NSD1: variants seen among roughly 807,000 people sequenced by gnomAD.
The protein encoded by NSD1 is nuclear receptor binding SET domain protein 1.
NSD1 carries 26 observed loss-of-function variants against 242.7 expected under a neutral mutation model. The ratio of observed to expected loss-of-function variants is 0.11; its 90% CI spans 0.08 to 0.15. The LOEUF (loss-of-function observed/expected upper bound fraction) is 0.15, where lower values mean the gene tolerates loss of function less well. Ranked by LOEUF, NSD1 falls within the 10% of genes least tolerant of loss-of-function variation. NSD1 has a pLI of 1.00. For synonymous variants in NSD1, 1,106 were observed against 1,178.1 expected (o/e 0.94, Z 1.25); for missense variants, 2,495 against 3,272.8 (o/e 0.76, Z 5.80).
chr5:177,167,707 AGATATAC>A (rs1373471255), intron 2 of NSD1, among the ~76,000 whole-genome samples: 1 of 152,160 alleles, frequency 6.6e-6, no homozygotes, highest in Non-Finnish European at 1.5e-5. Context: ...AGATGGTCTC[AGATATAC>A]GATGGTTTTA....
At chr5:177,233,040 G>C (rs1015427573) in intron 5 of NSD1, among the ~76,000 whole-genome samples, 4 of 152,174 alleles carry the variant, frequency 2.6e-5, no homozygotes, top group East Asian at 1.9e-4. Context: ...GCAAAAGCTT[G>C]TGTTCTCACT....
chr5:177,229,775 GCT>G, intron 5 of NSD1: 1 of 405,236 alleles, frequency 2.5e-6, no homozygotes. Context: ...GTGGAGTCTT[GCT>G]CTGTCACCCA....
intron 3 of NSD1, among the ~76,000 whole-genome samples, chr5:177,198,413 T>C (rs1762264053): frequency 1.3e-5 from 2 of 152,150 alleles, no homozygotes; most frequent in African/African-American, 4.8e-5. Flanking sequence ...CTTCCTGACT[T>C]GTAGATAACC....
intron 2 of NSD1, among the ~76,000 whole-genome samples, chr5:177,142,442 G>T (rs1279479944): frequency 1.3e-5 from 2 of 152,228 alleles, no homozygotes; most frequent in Non-Finnish European, 2.9e-5. Flanking sequence ...TACTTTGGGA[G>T]TGTGGAGGAA....
chr5:177,136,751 G>A (rs1010011354), intron 2 of NSD1: 3 of 525,696 alleles, frequency 5.7e-6, no homozygotes, highest in Middle Eastern at 3.9e-4. Context: ...CCATCACCAC[G>A]CCCGGCTAAT....
rs1159450798 is a variant in NSD1, at chr5:177,294,247, A to G, written c.6879A>G (p.Leu2293=). 1 of 1,613,402 alleles carries G rather than the reference A, an allele frequency of 6.2e-7. No homozygotes were observed. The highest frequency in any genetic ancestry group is 8.5e-7 in the Non-Finnish European group (1 of 1,179,520). The change falls in exon 23 of 23, where the codon TTA becomes TTG. Residue 2293 remains leucine (L), a synonymous_variant. Coordinates refer to ENST00000439151, the MANE Select transcript of NSD1 (RefSeq NM_022455.5). The part of the protein sequence containing the change: ...LERTDSRPQP[L]DKVRDLAGSG... ...GAACTGACTCCAGGCCCCAGCCTTT[A>G]GATAAGGTCAGAGACCTCGCTGGGT...
chr5:177,181,997 A>T (rs965427143), intron 2 of NSD1, among the ~76,000 whole-genome samples: 2 of 151,946 alleles, frequency 1.3e-5, no homozygotes, highest in African/African-American at 4.8e-5. Flanking sequence ...CTAAAAATAC[A>T]AAAAATTAGC....
At chr5:177,206,779 A>G (rs1425366545) in intron 4 of NSD1, among the ~76,000 whole-genome samples, 1 of 151,390 alleles carries the variant, frequency 6.6e-6, no homozygotes, top group African/African-American at 2.4e-5. Context: ...AGAGGTGTTT[A>G]TTGGGGCTTT....
intron 2 of NSD1, among the ~76,000 whole-genome samples, chr5:177,189,113 T>A (rs951853084): frequency 6.6e-6 from 1 of 152,162 alleles, no homozygotes; most frequent in African/African-American, 2.4e-5. Context: ...TTAGGAATTA[T>A]AGGAAATTAC....
At chr5:177,147,217 C>T (rs1316923336) in intron 2 of NSD1, among the ~76,000 whole-genome samples, 2 of 151,912 alleles carry the variant, frequency 1.3e-5, no homozygotes, top group Admixed American at 1.3e-4. Context: ...GCGATCCTCC[C>T]ACCTCAGCCT....
chr5:177,178,867 G>A (rs1299611861), intron 2 of NSD1, among the ~76,000 whole-genome samples: 1 of 152,178 alleles, frequency 6.6e-6, no homozygotes, highest in Non-Finnish European at 1.5e-5. Context: ...CTCTGCTGTT[G>A]AGACTCTTAG....
At chr5:177,133,759 G>A (rs1488627928), upstream of NSD1, 10 of 148,764 alleles carry the variant, frequency 6.7e-5, no homozygotes, top group East Asian at 1.8e-3. The surrounding 1 kb of genome is among the most constrained non-coding windows in gnomAD (Gnocchi z 6.2). Context: ...GCGCGGTGGG[G>A]GTGTGAGGAG....
intron 2 of NSD1, among the ~76,000 whole-genome samples, chr5:177,178,111 C>T (rs1013892430): frequency 2.6e-5 from 4 of 151,914 alleles, no homozygotes; most frequent in African/African-American, 9.7e-5. Flanking sequence ...GCCAGGCTGG[C>T]CTCAAACTCT....
In NSD1 at chr5:177,135,702, A is replaced by C; in HGVS notation, c.599A>C (p.Glu200Ala). 4 of 1,614,260 alleles carry C rather than the reference A, an allele frequency of 2.5e-6. No homozygotes were observed. Among genetic ancestry groups the C allele is most frequent in the Non-Finnish European group, 2.5e-6 (3 of 1,180,034 alleles). ...ACCTGCAATTATGAGACTAAATCAG[A>C]GAATGGTGTAAAAGTGGCCATGGGA... ...NATCNYETKSENGVKVAMGSE... is the reference protein window; with the variant it reads ...NATCNYETKSANGVKVAMGSE... The change falls in exon 2 of 23, where the codon GAG (glutamate) becomes GCG (alanine). Residue 200 changes from glutamate to alanine, a missense_variant. Glu to Ala is a moderately radical substitution (Grantham distance 107). Transcript: ENST00000439151.
chr5:177,162,641 C>A (rs982104432), intron 2 of NSD1, among the ~76,000 whole-genome samples: 1 of 152,114 alleles, frequency 6.6e-6, no homozygotes, highest in Non-Finnish European at 1.5e-5. Context: ...CTTGGCCTCC[C>A]AAAGTGCTGG....
rs865939747 is a variant in NSD1, at chr5:177,185,802, T to C, written c.928-6082T>C. On this transcript the variant is annotated intron_variant, in intron 2 of 22. Coordinates refer to ENST00000439151, the MANE Select transcript of NSD1 (RefSeq NM_022455.5). Reference sequence around the variant, plus strand: ...TATATATGTATATTATATATATATATATATAAATTTATATATATAATATAT... The same window carrying C: ...TATATATGTATATTATATATATATACATATAAATTTATATATATAATATAT... 8.2e-3 allele frequency among the ~76,000 whole-genome samples: 719 copies of C among 87,950 alleles called. 13 individuals carry two copies. The highest frequency in any genetic ancestry group is 0.044 in the Middle Eastern group (10 of 226). 57.7% of individuals were successfully genotyped at this position (87,950 alleles called of 152,430 possible).
At chr5:177,200,428 C>T (rs1396753831) in intron 3 of NSD1, among the ~76,000 whole-genome samples, 1 of 152,142 alleles carries the variant, frequency 6.6e-6, no homozygotes, top group Non-Finnish European at 1.5e-5. Flanking sequence ...AGTCACCTTT[C>T]CTCGCCTAAT....
intron 2 of NSD1, among the ~76,000 whole-genome samples, chr5:177,170,448 TC>T (rs1343967608): frequency 2.6e-5 from 4 of 151,692 alleles, no homozygotes; most frequent in Non-Finnish European, 5.9e-5. Flanking sequence ...CCTCCCGGGT[TC>T]AAGCAATTCT....
intron 2 of NSD1, among the ~76,000 whole-genome samples, chr5:177,188,614 GTA>G (rs1285966704): frequency 6.6e-6 from 1 of 152,098 alleles, no homozygotes; most frequent in African/African-American, 2.4e-5. Flanking sequence ...ATCATACAGT[GTA>G]TGTATAGCTC....
Sources: allele counts gnomAD v4.1 joint callset (sites outside exome capture counted in the v4.1 genomes callset), GRCh38; gene constraint gnomAD v4.1.1; non-coding constraint Gnocchi (gnomAD v3.1); transcripts MANE v1.5; gene names NCBI Gene and HGNC (gene_info 2026-07-23, HGNC 2026-07-21).